The following SASH1 variants were observed in gnomAD, a reference collection of about 807,000 sequenced individuals.
SASH1 encodes SAM and SH3 domain containing 1, also known as SAM and SH3 domain-containing protein 1.
Under a neutral mutation model 125.2 loss-of-function variants are expected in SASH1, and 44 were observed. The observed-to-expected ratio is 0.35, with a 90% CI of 0.28 to 0.45. SASH1 has a LOEUF of 0.45. SASH1 is among the 20% of genes least tolerant of loss of function. The pLI, the probability that SASH1 is intolerant of heterozygous loss-of-function variation, is 1.00. For missense variants in SASH1, 1,426 were observed against 1,614.5 expected (o/e 0.88, Z 2.00); for synonymous variants, 639 against 649.1 (o/e 0.98, Z 0.24).
intron 10 of SASH1, chr6:148,525,067 T>C: frequency 1.9e-6 from 1 of 533,368 alleles, no homozygotes; most frequent in Non-Finnish European, 3.4e-6. Context: ...TCTAGACCTC[T>C]GGGGTAGGCA....
At chr6:148,492,847 A>G (rs908484589) in intron 8 of SASH1, among the ~76,000 whole-genome samples, 12 of 149,140 alleles carry the variant, frequency 8.0e-5, no homozygotes, top group South Asian at 2.2e-4. Context: ...TAAATAAATA[A>G]ATAAATAAAT....
At chr6:148,467,931 T>C (rs1048418771) in intron 4 of SASH1, among the ~76,000 whole-genome samples, 4 of 150,168 alleles carry the variant, frequency 2.7e-5, no homozygotes, top group African/African-American at 9.7e-5. Context: ...AGCAAGACTG[T>C]CTCAAAAAAA....
rs1562371358 is a variant in SASH1, at chr6:148,387,633, TTTCTTTCTTTCTTTCTTTC to T, written c.157-2498_157-2480del. Among the ~76,000 whole-genome samples the T allele has an allele frequency of 7.5e-5, 6 of 79,792 alleles. 1 individual carries two copies. Among genetic ancestry groups the T allele is most frequent in the Non-Finnish European group, 1.5e-4 (6 of 40,620 alleles). 52.3% of individuals were successfully genotyped at this position (79,792 alleles called of 152,430 possible). A position where few individuals can be genotyped will look rare whatever the true frequency, so the allele number is the denominator to read the frequency against. On this transcript the variant is annotated intron_variant, in intron 1 of 19. Coordinates refer to ENST00000367467, the MANE Select transcript of SASH1 (RefSeq NM_015278.5). ...CTTTCTTTCTTTCTTTCTTTCTTTC[TTTCTTTCTTTCTTTCTTTC>T]TTTCTTTCTTTCTTTCTTTCTTTCT...
At position 148,414,756 on chromosome 6, in the gene SASH1, T is replaced by C. The variant is rs552307435; in HGVS notation, c.285+24494T>C. Among the ~76,000 whole-genome samples, 61 of 152,210 alleles carry C rather than the reference T, an allele frequency of 4.0e-4. 1 individual carries two copies. The highest frequency in any genetic ancestry group is 3.1e-3 in the South Asian group (15 of 4,820). ...TTTTGGCATACCGCAACCTCTGCCT[T>C]CTGGGCTCAAGCTATTCTCTTGCCT... On this transcript the variant is annotated intron_variant, in intron 2 of 19. Coordinates refer to ENST00000367467, the MANE Select transcript of SASH1 (RefSeq NM_015278.5).
chr6:148,327,952 A>AAAG lies in SASH1; in HGVS notation n.74+55577_74+55578insGAA, dbSNP rs1562327285. ...CAAGACTCTGTCTAAAAAAAAAAAA[A>AAAG]AAAAGAAAAAGAAAAAGAAAAAAGA... is the stretch of plus-strand genomic sequence containing the variant. On this transcript the variant is annotated intron_variant and non_coding_transcript_variant, in intron 1 of 3. Coordinates refer to the SASH1 transcript ENST00000367469. Among the ~76,000 whole-genome samples, 3 of 140,768 alleles carry AAAG rather than the reference A, an allele frequency of 2.1e-5. No individual in the cohort carries two copies. In the East Asian group the frequency reaches 8.0e-4, roughly 37 times the overall value. The allele number at this position is 140,768 out of a possible 152,430, so 92.3% of individuals were successfully genotyped here. A position where few individuals can be genotyped will look rare whatever the true frequency, so the allele number is the denominator to read the frequency against.
chr6:148,440,501 G>A (rs1776500230), intron 4 of SASH1, 94 bp downstream of exon 4: 11 of 1,010,626 alleles, frequency 1.1e-5, no homozygotes, highest in Non-Finnish European at 1.6e-5. Context: ...ATGTGCGTAT[G>A]TACTATGGAG....
chr6:148,367,643 A>G (rs550419905), intron 1 of SASH1, among the ~76,000 whole-genome samples: 4 of 152,310 alleles, frequency 2.6e-5, no homozygotes, highest in South Asian at 2.1e-4. Flanking sequence ...TGAAGCCTCT[A>G]TCTGTATCTG....
In SASH1 at chr6:148,523,462, T is replaced by C. The variant is rs368203719; in HGVS notation, c.1210-1829T>C. Among the ~76,000 whole-genome samples the C allele has an allele frequency of 5.3e-4, 81 of 152,356 alleles. 1 individual carries two copies. In the South Asian group the frequency reaches 9.9e-3, roughly 19 times the overall value. Reference sequence around the variant, plus strand: ...TTTTTCTCTTTCTATAGAATAGATATAGGTCCAGTTAAGCTGACGATAAGA... The same window carrying C: ...TTTTTCTCTTTCTATAGAATAGATACAGGTCCAGTTAAGCTGACGATAAGA... On this transcript the variant is annotated intron_variant, in intron 10 of 19. Transcript: ENST00000367467.
chr6:148,242,371 C>G, the SASH1 span, among the ~76,000 whole-genome samples: 1 of 152,178 alleles, frequency 6.6e-6, no homozygotes, highest in Non-Finnish European at 1.5e-5. Context: ...TGGCAAGGCA[C>G]TTTACGAGAC....
chr6:148,539,715 C>T (rs181817371), intron 16 of SASH1, among the ~76,000 whole-genome samples: 6 of 152,192 alleles, frequency 3.9e-5, no homozygotes, highest in Admixed American at 3.3e-4. Flanking sequence ...TACTTATATG[C>T]AGGAGACAAA....
intron 7 of SASH1, 33 bp from the exon 8 acceptor site, chr6:148,487,581 T>C (rs113670689): frequency 3.3e-6 from 5 of 1,519,132 alleles, no homozygotes; most frequent in South Asian, 2.3e-5. Flanking sequence ...TGGCCATTCT[T>C]TCCATTTCAG....
chr6:148,297,072 A>C (rs567707373), intron 1 of SASH1, among the ~76,000 whole-genome samples: 1 of 152,312 alleles, frequency 6.6e-6, no homozygotes, highest in African/African-American at 2.4e-5. Flanking sequence ...TATGGACAGG[A>C]CTGCTGCTCT....
In SASH1 at chr6:148,529,653, A is replaced by G. The variant is rs934958294; in HGVS notation, c.1429-1873A>G. Among the ~76,000 whole-genome samples the G allele has an allele frequency of 6.6e-5, 10 of 152,322 alleles. No individual in the cohort carries two copies. The highest frequency in any genetic ancestry group is 3.3e-4 in the Admixed American group (5 of 15,306). ...TTTAATGTCATTTTGGCATTTTTCAATAATTTTACTACCATATAGCAATCT... is the reference window on the plus strand; with the variant it reads ...TTTAATGTCATTTTGGCATTTTTCAGTAATTTTACTACCATATAGCAATCT... On this transcript the variant is annotated intron_variant, in intron 12 of 19. Transcript: ENST00000367467. This position sits in a 1 kb window ranked among gnomAD's most constrained non-coding sequence, Gnocchi z 4.2.
chr6:148,485,835 T>A lies in SASH1; in HGVS notation c.628-1779T>A, dbSNP rs368019454. ...TCGGGATTGTCCAGTCACCATCACG[T>A]GGGCAGGCAGGTTCAATTATTTCTG... is the stretch of plus-strand genomic sequence containing the variant. On this transcript the variant is annotated intron_variant, in intron 7 of 19. Transcript: ENST00000367467. Among the ~76,000 whole-genome samples, 18 of 152,338 alleles carry A rather than the reference T, an allele frequency of 1.2e-4. No individual in the cohort carries two copies. The East Asian group carries it at 2.5e-3, about 21-fold the overall frequency.
At chr6:148,414,722 G>C (rs986535735) in intron 2 of SASH1, among the ~76,000 whole-genome samples, 4 of 152,042 alleles carry the variant, frequency 2.6e-5, no homozygotes, top group African/African-American at 9.7e-5. Context: ...CTGGAGTGCA[G>C]TGATGCGATT....
chr6:148,409,690 T>C (rs1334981375), intron 2 of SASH1, among the ~76,000 whole-genome samples: 1 of 152,134 alleles, frequency 6.6e-6, no homozygotes, highest in Non-Finnish European at 1.5e-5. Flanking sequence ...AATCCCAGCA[T>C]TCTGGGAGGC....
At chr6:148,293,020 T>A (rs2128509357) in intron 1 of SASH1, among the ~76,000 whole-genome samples, 1 of 151,674 alleles carries the variant, frequency 6.6e-6, no homozygotes. Flanking sequence ...CCACCCACTG[T>A]ACTCCAGCCT....
intron 16 of SASH1, among the ~76,000 whole-genome samples, chr6:148,539,100 T>G (rs1159765760): frequency 2.0e-5 from 3 of 152,060 alleles, no homozygotes; most frequent in Non-Finnish European, 4.4e-5. Context: ...TGCTTTTTTT[T>G]TTTTTTCCCC....
the SASH1 span, among the ~76,000 whole-genome samples, chr6:148,238,080 G>A: frequency 1.3e-5 from 2 of 152,156 alleles, no homozygotes; most frequent in Non-Finnish European, 2.9e-5. Context: ...CTTACGGCTT[G>A]TTACTTTTTC....
Sources: gnomAD v4.1 joint callset for allele counts (sites outside exome capture counted in the v4.1 genomes callset) on GRCh38, gnomAD v4.1.1 for gene constraint, Gnocchi (gnomAD v3.1) non-coding constraint, MANE v1.5 for transcripts, NCBI Gene and HGNC (gene_info 2026-07-23, HGNC 2026-07-21) for gene names.